The following OGT variants were observed in gnomAD, a reference collection of about 807,000 sequenced individuals.
OGT encodes the protein O-linked N-acetylglucosamine (GlcNAc) transferase.
Under a neutral mutation model 75.8 loss-of-function variants are expected in OGT, and 3 were observed. That is an observed-to-expected ratio of 0.04 (90% CI 0.02 to 0.10). OGT has a LOEUF of 0.10. OGT is among the 10% of genes least tolerant of loss of function. The pLI is 1.00. For synonymous variants in OGT, 257 were observed against 289.7 expected (o/e 0.89, Z 1.15); for missense variants, 260 against 824.4 (o/e 0.32, Z 8.38).
chrX:71,571,783 G>A (rs1365418770), intron 21 of OGT, among the ~76,000 whole-genome samples: 5 of 103,951 alleles, frequency 4.8e-5, no homozygotes, highest in Admixed American at 1.0e-4. Context: ...TTTTTTTTTC[G>A]TTTTGAAACG....
At position 71,538,048 on chromosome X, in the gene OGT, C is replaced by T. The variant is rs200669552; in HGVS notation, c.438C>T (p.Tyr146=). The change falls in exon 3 of 22, where the codon TAC becomes TAT. Residue 146 remains tyrosine, a synonymous_variant. Coordinates refer to ENST00000373719, the MANE Select transcript of OGT (RefSeq NM_181672.3). ...AGDMEGAVQA[Y]VSALQYNPDL... ...ACATGGAAGGGGCAGTACAAGCTTA[C>T]GTCTCTGCTCTTCAGTACAATCCTG... The T allele has an allele frequency of 1.8e-5, 22 of 1,209,758 alleles. No homozygotes were observed. Among genetic ancestry groups the T allele is most frequent in the South Asian group, 7.0e-5 (4 of 56,797 alleles).
rs1292549036 is a variant in OGT at position 71,559,002 on chromosome X, C to T, written c.1603-265C>T. Among the ~76,000 whole-genome samples, 6 of 101,041 alleles carry T rather than the reference C, an allele frequency of 5.9e-5. No individual in the cohort carries two copies. The East Asian group carries it at 1.6e-3, about 26-fold the overall frequency. 87.7% of individuals were successfully genotyped at this position (101,041 alleles called of 115,157 possible). On this transcript the variant is annotated intron_variant, in intron 12 of 21. Coordinates refer to ENST00000373719, the MANE Select transcript of OGT (RefSeq NM_181672.3). Reference sequence around the variant, plus strand: ...TTCACTGTGTTGGCCAGGCTGGTCTCGAACTCCTGACCTCAAGCGATCCAC... The same window carrying T: ...TTCACTGTGTTGGCCAGGCTGGTCTTGAACTCCTGACCTCAAGCGATCCAC...
At chrX:71,536,735 G>T in intron 2 of OGT, 1 of 158,935 alleles carries the variant, frequency 6.3e-6, no homozygotes, top group Middle Eastern at 2.5e-3. Flanking sequence ...GCTGTGGCAG[G>T]AGATGCATAC....
At position 71,537,901 on chromosome X, in the gene OGT, T is replaced by A; in HGVS notation, c.291T>A (p.Asn97Lys). The change falls in exon 3 of 22, where the codon AAT (asparagine) becomes AAA (lysine). Residue 97 changes from asparagine to lysine, a missense_variant. By Grantham distance (94) the Asn-to-Lys change is moderately conservative. Around this residue, in one of 6 missense-constraint regions of OGT, gnomAD observed 38 missense variants for 117.1 expected, o/e 0.32. Transcript: ENST00000373719. ...CAGAAGCTTATTCGAATTTGGGGAA[T>A]GTGTACAAGGAAAGAGGGCAGTTGC... ...LLAEAYSNLGNVYKERGQLQE... is the reference protein window; with the variant it reads ...LLAEAYSNLGKVYKERGQLQE... 1 of 1,211,897 alleles carries A rather than the reference T, an allele frequency of 8.3e-7. No homozygotes were observed. The highest frequency in any genetic ancestry group is 1.1e-6 in the Non-Finnish European group (1 of 895,482).
intron 21 of OGT, among the ~76,000 whole-genome samples, chrX:71,571,877 C>A (rs2040461090): frequency 9.1e-6 from 1 of 109,854 alleles, no homozygotes; most frequent in Non-Finnish European, 1.9e-5. Flanking sequence ...TCAAGCGATT[C>A]TCCTGCCTCA....
At chrX:71,556,566 G>A in intron 8 of OGT, 114 bp from the exon 9 acceptor site, 1 of 415,759 alleles carries the variant, frequency 2.4e-6, no homozygotes, top group Non-Finnish European at 4.1e-6. Flanking sequence ...GGAAAAAGTA[G>A]AGACAAATTT....
At chrX:71,561,127 C>T (rs952734126) in intron 14 of OGT, among the ~76,000 whole-genome samples, 10 of 109,554 alleles carry the variant, frequency 9.1e-5, no homozygotes, top group Non-Finnish European at 1.5e-4. Flanking sequence ...GGGGTCTCAC[C>T]ACATTGGCCA....
Position 71,565,308 on chromosome X carries a change from C to A in OGT, c.2589+555C>A, listed in dbSNP as rs371352496. On this transcript the variant is annotated intron_variant, in intron 19 of 21. Transcript: ENST00000373719. The stretch of plus-strand genomic sequence containing the variant: ...GTGGTGTGATCTTGGCTCATGGCAA[C>A]CTTTGCATCCCAGGTTCGAGTTATT... Among the ~76,000 whole-genome samples, 27 of 111,756 alleles carry A rather than the reference C, an allele frequency of 2.4e-4. No individual in the cohort carries two copies. The South Asian group carries it at 1.0e-2, about 41-fold the overall frequency.
intron 1 of OGT, among the ~76,000 whole-genome samples, 197 bp downstream of exon 1, chrX:71,533,533 C>T (rs753323867): frequency 8.9e-5 from 10 of 112,055 alleles, no homozygotes; most frequent in Non-Finnish European, 1.7e-4. Context: ...TTTCCTCCTC[C>T]TCCCTTGCTT....
Position 71,536,218 on chromosome X carries a change from G to A in OGT, c.78G>A (p.Glu26=). ...KRMLSFQGLA[E]LAHREYQAGD... ...TGCTTTCCTTCCAAGGGTTAGCTGAGTTGGCACATCGAGAATATCAGGCAG... is the reference window on the plus strand; with the variant it reads ...TGCTTTCCTTCCAAGGGTTAGCTGAATTGGCACATCGAGAATATCAGGCAG... Residue 26 remains glutamate (E), a synonymous_variant, in exon 2 of 22, where the codon GAG becomes GAA. Transcript: ENST00000373719. 3 of 1,209,769 alleles carry A rather than the reference G, an allele frequency of 2.5e-6. No individual in the cohort carries two copies. The highest frequency in any genetic ancestry group is 2.2e-6 in the Non-Finnish European group (2 of 894,693).
rs759414026 is a variant in OGT, at chrX:71,559,626, C to T, written c.1800C>T (p.Asn600=). 8.3e-7 allele frequency: 1 copy of T among 1,211,185 alleles called. No homozygotes were observed. Among genetic ancestry groups the T allele is most frequent in the Non-Finnish European group, 1.1e-6 (1 of 894,878 alleles). ...CCCTGAGCCCAGACGATGGCACAAA[C>T]TTCCGAGTGAAGGTGATGGCAGAAG... ...CYALSPDDGT[N]FRVKVMAEAN... Residue 600 remains asparagine (N), a synonymous_variant, in exon 14 of 22, where the codon AAC becomes AAT. Coordinates refer to ENST00000373719, the MANE Select transcript of OGT (RefSeq NM_181672.3).
intron 4 of OGT, 153 bp downstream of exon 4, chrX:71,544,788 C>T: frequency 2.1e-6 from 1 of 472,849 alleles, no homozygotes; most frequent in South Asian, 3.3e-5. Flanking sequence ...TAGAGCAGGG[C>T]CAGGCTTTGG....
intron 2 of OGT, 82 bp from the exon 3 acceptor site, chrX:71,537,747 A>G: frequency 9.1e-7 from 1 of 1,095,096 alleles, no homozygotes. Context: ...CACAGATCTC[A>G]AACTGTTTGA....
chrX:71,564,538 A>G (rs2040403931), intron 18 of OGT, 63 bp from the exon 19 acceptor site: 1 of 893,320 alleles, frequency 1.1e-6, no homozygotes, highest in South Asian at 2.2e-5. Context: ...TTTGGATCTT[A>G]TGGATTGAAA....
At position 71,572,644 on chromosome X, in the gene OGT, G is replaced by C. The variant is rs1404106053; in HGVS notation, c.2967-976G>C. On this transcript the variant is annotated intron_variant, in intron 21 of 21. Coordinates refer to ENST00000373719, the MANE Select transcript of OGT (RefSeq NM_181672.3). ...TAGCTGAGTGTGGTGATGCGTGCCT[G>C]TAGTCTCAGCTTCCCGGGAGGCTGG... Among the ~76,000 whole-genome samples the C allele has an allele frequency of 3.6e-5, 4 of 111,471 alleles. No homozygotes were observed. The Admixed American group carries it at 3.8e-4, about 11-fold the overall frequency.
chrX:71,571,987 T>G (rs1480268112), intron 21 of OGT, among the ~76,000 whole-genome samples: 1 of 110,155 alleles, frequency 9.1e-6, no homozygotes, highest in Non-Finnish European at 1.9e-5. Context: ...GCCAGGATGG[T>G]CTTGATCTCC....
intron 14 of OGT, 127 bp from the exon 15 acceptor site, chrX:71,561,648 C>G: frequency 1.9e-6 from 1 of 516,413 alleles, no homozygotes. Context: ...GTGTTCTTAC[C>G]TCTTTTCCAT....
intron 5 of OGT, among the ~76,000 whole-genome samples, chrX:71,552,655 G>A (rs1286486396): frequency 6.4e-5 from 7 of 110,212 alleles, no homozygotes; most frequent in Non-Finnish European, 1.3e-4. Flanking sequence ...AAAGTGCTAG[G>A]ATTACAGGCA....
In OGT at chrX:71,575,892, A is replaced by G. The variant is rs1480114237; in HGVS notation, c.*2098A>G. On this transcript the variant is annotated 3_prime_UTR_variant, in exon 22 of 22. Coordinates refer to ENST00000373719, the MANE Select transcript of OGT (RefSeq NM_181672.3). Reference sequence around the variant, plus strand: ...TTAATAAATGAATGATTTCCCTTTAATACGGCTGATGTATTTTGTATCCTG... The same window carrying G: ...TTAATAAATGAATGATTTCCCTTTAGTACGGCTGATGTATTTTGTATCCTG... 8.9e-5 allele frequency: 10 copies of G among 112,407 alleles called. No individual in the cohort carries two copies. The highest frequency in any genetic ancestry group is 1.7e-4 in the Non-Finnish European group (9 of 53,310). The allele number at this position is 112,407 out of a possible 1,213,427, so 9.3% of individuals were successfully genotyped here. A position where few individuals can be genotyped will look rare whatever the true frequency, so the allele number is the denominator to read the frequency against.
Sources: allele counts gnomAD v4.1 joint callset (sites outside exome capture counted in the v4.1 genomes callset), GRCh38; gene constraint gnomAD v4.1.1; regional missense constraint gnomAD v4.1.1; transcripts MANE v1.5; gene names NCBI Gene and HGNC (gene_info 2026-07-23, HGNC 2026-07-21).